SLC39A11: variants seen among roughly 807,000 people sequenced by gnomAD.
SLC39A11 encodes zinc transporter ZIP11.
In SLC39A11, 33 loss-of-function variants were observed where a neutral mutation model predicts 36.1. The ratio of observed to expected loss-of-function variants is 0.91; its 90% CI spans 0.69 to 1.22. The LOEUF (loss-of-function observed/expected upper bound fraction) is 1.22. SLC39A11 is among the 50% of genes most tolerant of loss of function. SLC39A11 has a pLI of 0.00. For synonymous variants in SLC39A11, 166 were observed against 170.3 expected (o/e 0.97, Z 0.20); for missense variants, 432 against 430.3 (o/e 1.00, Z -0.03).
At chr17:73,051,612 C>T (rs1323989999) in intron 3 of SLC39A11, among the ~76,000 whole-genome samples, 1 of 150,702 alleles carries the variant, frequency 6.6e-6, no homozygotes, top group Non-Finnish European at 1.5e-5. Context: ...AATCCCGGCA[C>T]TTTGGGAGGC....
rs1126965 is a variant in SLC39A11, at chr17:72,646,651, C to G, written c.*933G>C. ...GAAGGACCCACAGCAGATTCCAAAA[C>G]TCTTTCATTCACTTGAGTTAACTGA... is the stretch of plus-strand genomic sequence containing the variant. On this transcript the variant is annotated 3_prime_UTR_variant, in exon 10 of 10. Coordinates refer to ENST00000255559, the MANE Select transcript of SLC39A11 (RefSeq NM_139177.4). 0.25 allele frequency: 37,873 copies of G among 152,546 alleles called. 4,775 individuals are homozygous for G. The highest frequency in any genetic ancestry group is 0.29 in the Middle Eastern group (86 of 294). The allele number at this position is 152,546 out of a possible 1,614,324, so 9.4% of individuals were successfully genotyped here.
intron 7 of SLC39A11, among the ~76,000 whole-genome samples, chr17:72,678,748 C>G (rs4793476): frequency 2.0e-5 from 3 of 151,444 alleles, no homozygotes; most frequent in Non-Finnish European, 4.4e-5. Flanking sequence ...AATCATGAAG[C>G]AGTTTAGGGA....
chr17:72,683,031 A>G (rs1368816302), intron 7 of SLC39A11, among the ~76,000 whole-genome samples: 2 of 152,210 alleles, frequency 1.3e-5, no homozygotes, highest in African/African-American at 4.8e-5. Context: ...GGCATCTACA[A>G]GAGGAACTGT....
rs181474493 is a variant in SLC39A11, at chr17:72,973,524, G to A, written c.307-25649C>T. ...GGTAGGCACATTGCTAGATCAAACAGAATTGGAGTTCTGTTAGAAAGACAA... is the reference window on the plus strand; with the variant it reads ...GGTAGGCACATTGCTAGATCAAACAAAATTGGAGTTCTGTTAGAAAGACAA... On this transcript the variant is annotated intron_variant, in intron 4 of 9. Coordinates refer to ENST00000255559, the MANE Select transcript of SLC39A11 (RefSeq NM_139177.4). 3.1e-4 allele frequency among the ~76,000 whole-genome samples: 47 copies of A among 152,310 alleles called. 1 individual carries two copies. Among genetic ancestry groups the A allele is most frequent in the Admixed American group, 2.7e-3 (41 of 15,304 alleles).
At chr17:72,886,438 C>T (rs911924994) in intron 5 of SLC39A11, among the ~76,000 whole-genome samples, 6 of 152,272 alleles carry the variant, frequency 3.9e-5, no homozygotes, top group East Asian at 1.9e-4. Flanking sequence ...TAAGAATCCT[C>T]CTCCTCCTTT....
At chr17:73,088,354 C>T (rs1057289525) in intron 2 of SLC39A11, among the ~76,000 whole-genome samples, 1 of 151,806 alleles carries the variant, frequency 6.6e-6, no homozygotes, top group African/African-American at 2.4e-5. Flanking sequence ...AATTAGGCAG[C>T]GGGCTAACGA....
At chr17:73,070,420 T>A (rs576877415) in intron 3 of SLC39A11, among the ~76,000 whole-genome samples, 1 of 152,288 alleles carries the variant, frequency 6.6e-6, no homozygotes, top group East Asian at 1.9e-4. Flanking sequence ...CCCCATTCTT[T>A]ATGTCCAGAG....
chr17:72,812,817 T>C (rs1487685642), intron 6 of SLC39A11, among the ~76,000 whole-genome samples: 1 of 152,174 alleles, frequency 6.6e-6, no homozygotes, highest in African/African-American at 2.4e-5. Flanking sequence ...TAAGAAGGCA[T>C]TGTGCTTGGG....
chr17:72,737,370 C>T (rs554687644), intron 6 of SLC39A11, among the ~76,000 whole-genome samples: 25 of 152,168 alleles, frequency 1.6e-4, no homozygotes, highest in Non-Finnish European at 3.4e-4. Flanking sequence ...CATTGGCTGA[C>T]GAAATGTTTA....
intron 5 of SLC39A11, among the ~76,000 whole-genome samples, chr17:72,913,620 T>C (rs1256285247): frequency 6.6e-6 from 1 of 151,994 alleles, no homozygotes; most frequent in African/African-American, 2.4e-5. Flanking sequence ...GGGAAACAAA[T>C]GAGAGCACAG....
chr17:72,793,645 GT>G (rs1376829536), intron 6 of SLC39A11, among the ~76,000 whole-genome samples: 3 of 152,042 alleles, frequency 2.0e-5, no homozygotes, highest in Non-Finnish European at 4.4e-5. Context: ...ACCCAGGCTG[GT>G]CTCAAACTCC....
intron 7 of SLC39A11, among the ~76,000 whole-genome samples, chr17:72,673,930 T>A (rs913274861): frequency 2.6e-5 from 4 of 152,068 alleles, no homozygotes; most frequent in African/African-American, 9.7e-5. Flanking sequence ...TAGCCAGGCG[T>A]GGTAGCATGG....
intron 6 of SLC39A11, among the ~76,000 whole-genome samples, chr17:72,749,107 G>T (rs2075052994): frequency 6.6e-6 from 1 of 152,190 alleles, no homozygotes; most frequent in African/African-American, 2.4e-5. Context: ...TGACTCAGTG[G>T]GGGAACCTGC....
At chr17:72,724,800 G>T (rs1598457128) in intron 7 of SLC39A11, among the ~76,000 whole-genome samples, 1 of 127,258 alleles carries the variant, frequency 7.9e-6, no homozygotes, top group African/African-American at 2.6e-5. Flanking sequence ...AAGCTCAACT[G>T]CTAAAAAAAA....
At chr17:73,016,509 T>A (rs1206653814) in intron 4 of SLC39A11, among the ~76,000 whole-genome samples, 1 of 151,926 alleles carries the variant, frequency 6.6e-6, no homozygotes, top group Non-Finnish European at 1.5e-5. Context: ...AAGTTTTGTA[T>A]TTTTAGTACA....
chr17:72,804,287 T>C (rs1270265550), intron 6 of SLC39A11, among the ~76,000 whole-genome samples: 2 of 152,176 alleles, frequency 1.3e-5, no homozygotes, highest in Non-Finnish European at 2.9e-5. Flanking sequence ...GAACCACTGT[T>C]ATCTCCCTGG....
intron 6 of SLC39A11, among the ~76,000 whole-genome samples, chr17:72,762,191 A>G (rs939881904): frequency 1.4e-4 from 22 of 152,212 alleles, no homozygotes; most frequent in African/African-American, 4.6e-4. Context: ...TCTAAGTCAC[A>G]GGATGAGATA....
chr17:73,024,464 T>C (rs958732384), intron 4 of SLC39A11, among the ~76,000 whole-genome samples: 1 of 152,230 alleles, frequency 6.6e-6, no homozygotes, highest in Non-Finnish European at 1.5e-5. Flanking sequence ...GTCCTTTTTG[T>C]TTTCTGTGAG....
intron 6 of SLC39A11, among the ~76,000 whole-genome samples, chr17:72,764,818 C>A (rs1467361749): frequency 1.3e-5 from 2 of 152,148 alleles, no homozygotes; most frequent in Non-Finnish European, 2.9e-5. Flanking sequence ...AGTTCAGGCA[C>A]GTTTCCAAAA....
Sources: allele counts gnomAD v4.1 joint callset (sites outside exome capture counted in the v4.1 genomes callset), GRCh38; gene constraint gnomAD v4.1.1; transcripts MANE v1.5; gene names NCBI Gene and HGNC (gene_info 2026-07-23, HGNC 2026-07-21).